Variants in GAL3ST1 observed in about 807,000 individuals in gnomAD.
The protein encoded by GAL3ST1 is galactose-3-O-sulfotransferase 1.
Under a neutral mutation model 25.0 loss-of-function variants are expected in GAL3ST1, and 13 were observed. The observed-to-expected ratio is 0.52, with a 90% CI of 0.34 to 0.83. The LOEUF (loss-of-function observed/expected upper bound fraction) is 0.83, where lower values mean the gene tolerates loss of function less well. Among genes scored for constraint, GAL3ST1 ranks in the 40% least tolerant of loss-of-function variants. GAL3ST1 has a pLI of 0.02. For synonymous variants in GAL3ST1, 274 were observed against 277.8 expected, an observed-to-expected ratio of 0.99 and a Z score of 0.14; for missense variants, 474 against 613.6, an observed-to-expected ratio of 0.77 and a Z score of 2.40.
rs147005072 is a variant in GAL3ST1 at position 30,557,276 on chromosome 22, G to A, written c.117C>T (p.Ala39=). 1.1e-5 allele frequency: 18 copies of A among 1,614,018 alleles called. No homozygotes were observed. Among genetic ancestry groups the A allele is most frequent in the East Asian group, 4.5e-5 (2 of 44,894 alleles). The stretch of plus-strand genomic sequence containing the variant: ...GGGCCACTCACGTGGAGGCCAGGCC[G>A]GCATGCAGCGGGGGCACGGCATAGG... ...VYSYAVPPLH[A]GLASTTPEAA... Residue 39 remains alanine, a synonymous_variant, in exon 3 of 4, where the codon GCC becomes GCT. Coordinates refer to ENST00000406361, the MANE Select transcript of GAL3ST1 (RefSeq NM_001318104.2).
Position 30,554,832 on chromosome 22 carries a change from C to A in GAL3ST1, c.*121G>T, listed in dbSNP as rs1426630113. ...TGGCTGCCTCCCCCCAGGGAGCCCC[C>A]CCTCACCCCGGGGTCTGAGGTGGCA... On this transcript the variant is annotated 3_prime_UTR_variant, in exon 4 of 4. Coordinates refer to ENST00000406361, the MANE Select transcript of GAL3ST1 (RefSeq NM_001318104.2). 2 of 745,138 alleles carry A rather than the reference C, an allele frequency of 2.7e-6. No individual in the cohort carries two copies. Among genetic ancestry groups the A allele is most frequent in the African/African-American group, 1.8e-5 (1 of 55,524 alleles). The allele number at this position is 745,138 out of a possible 1,614,324, so 46.2% of individuals were successfully genotyped here.
chr22:30,569,107 C>T (rs2086707955), intron 1 of GAL3ST1, among the ~76,000 whole-genome samples: 1 of 149,034 alleles, frequency 6.7e-6, no homozygotes, highest in East Asian at 2.0e-4. Flanking sequence ...GAGGGACATG[C>T]AGGGCTTTCA....
At chr22:30,566,395 T>C (rs984122222) in intron 1 of GAL3ST1, among the ~76,000 whole-genome samples, 1 of 152,226 alleles carries the variant, frequency 6.6e-6, no homozygotes, top group African/African-American at 2.4e-5. Context: ...TAGTCCTCTC[T>C]GGGGAGCTCT....
rs2085911531 is a variant in GAL3ST1, at chr22:30,555,107, A to G, written c.1118T>C (p.Ile373Thr). ...GCTCTTCTTGAGGTTGTAGCCCAGG[A>G]TGGACTTGGTGCCCAGCGGCTGCCA... ...QPWQPLGTKS[I>T]LGYNLKKSIG... is the part of the protein sequence containing the mutation. Residue 373 changes from isoleucine (I) to threonine (T), a missense_variant, in exon 4 of 4, where the codon ATC (isoleucine) becomes ACC (threonine). Ile to Thr is a moderately conservative substitution (Grantham distance 89). Coordinates refer to ENST00000406361, the MANE Select transcript of GAL3ST1 (RefSeq NM_001318104.2). The surrounding 1 kb of genome is among the most constrained non-coding windows in gnomAD (Gnocchi z 8.6). 6.2e-7 allele frequency: 1 copy of G among 1,612,216 alleles called. No individual in the cohort carries two copies. Among genetic ancestry groups the G allele is most frequent in the Non-Finnish European group, 8.5e-7 (1 of 1,179,728 alleles).
Position 30,555,001 on chromosome 22 carries a change from C to T in GAL3ST1, c.1224G>A (p.Leu408=), listed in dbSNP as rs1177039617. The change falls in exon 4 of 4, where the codon CTG becomes CTA. Residue 408 remains leucine (L), a synonymous_variant. Coordinates refer to ENST00000406361, the MANE Select transcript of GAL3ST1 (RefSeq NM_001318104.2). The surrounding 1 kb of genome is among the most constrained non-coding windows in gnomAD (Gnocchi z 8.6). Reference sequence around the variant, plus strand: ...TGAACTTCCAGAGCTTGGTGACCCACAGGTTGGCGCCGAGGTCCATCAGGT... The same window carrying T: ...TGAACTTCCAGAGCTTGGTGACCCATAGGTTGGCGCCGAGGTCCATCAGGT... The part of the protein sequence containing the change: ...IQYLMDLGAN[L]WVTKLWKFIR... 6.3e-7 allele frequency: 1 copy of T among 1,593,904 alleles called. No homozygotes were observed. The highest frequency in any genetic ancestry group is 8.6e-7 in the Non-Finnish European group (1 of 1,165,484).
chr22:30,567,583 G>A (rs866446755), intron 1 of GAL3ST1, among the ~76,000 whole-genome samples: 6 of 151,106 alleles, frequency 4.0e-5, no homozygotes, highest in African/African-American at 9.7e-5. Flanking sequence ...CCAGATGCAC[G>A]TGCTTCTTTG....
rs1249336206 is a variant in GAL3ST1, at chr22:30,556,018, C to T, written c.207G>A (p.Ala69=). ...PEAVIRANGS[A]GECQPRRNIV... is the part of the protein sequence containing the mutation. ...TGTTGCGCCGCGGCTGGCACTCCCCCGCCGAGCCGTTGGCCCGGATCACTG... is the reference window on the plus strand; with the variant it reads ...TGTTGCGCCGCGGCTGGCACTCCCCTGCCGAGCCGTTGGCCCGGATCACTG... Residue 69 remains alanine (A), a synonymous_variant, in exon 4 of 4, where the codon GCG becomes GCA. Coordinates refer to ENST00000406361, the MANE Select transcript of GAL3ST1 (RefSeq NM_001318104.2). 5.0e-6 allele frequency: 8 copies of T among 1,612,688 alleles called. No homozygotes were observed. Among genetic ancestry groups the T allele is most frequent in the Non-Finnish European group, 6.8e-6 (8 of 1,179,854 alleles).
Position 30,557,304 on chromosome 22 carries a change from T to C in GAL3ST1, c.89A>G (p.Tyr30Cys), listed in dbSNP as rs369562134. ...ATGCAGCGGGGGCACGGCATAGGAG[T>C]ACACCAGCAGCAGGAAACTAGTGAA... is the stretch of plus-strand genomic sequence containing the variant. ...ALFTSFLLLV[Y>C]SYAVPPLHAG... Residue 30 changes from tyrosine to cysteine, a missense_variant, in exon 3 of 4, where the codon TAC (tyrosine) becomes TGC (cysteine). Tyr to Cys is a radical substitution (Grantham distance 194). This residue lies in a region of GAL3ST1 where 115 missense variants were observed against 109.2 expected (regional missense o/e 1.05). Transcript: ENST00000406361. 7.4e-6 allele frequency: 12 copies of C among 1,613,532 alleles called. No individual in the cohort carries two copies. The highest frequency in any genetic ancestry group is 9.3e-6 in the Non-Finnish European group (11 of 1,179,898).
chr22:30,570,198 T>C (rs1430070506), intron 1 of GAL3ST1, among the ~76,000 whole-genome samples: 2 of 152,152 alleles, frequency 1.3e-5, no homozygotes. Flanking sequence ...TGGGGTGAGG[T>C]ATCCCAGGGC....
In GAL3ST1 at chr22:30,554,888, G is replaced by A; in HGVS notation, c.*65C>T. ...AGGGGGCTGGGGGCGGCCAGCACCAGCGGCGTCCTGCTCAGCCCCTCTGCA... is the reference window on the plus strand; with the variant it reads ...AGGGGGCTGGGGGCGGCCAGCACCAACGGCGTCCTGCTCAGCCCCTCTGCA... On this transcript the variant is annotated 3_prime_UTR_variant, in exon 4 of 4. Coordinates refer to ENST00000406361, the MANE Select transcript of GAL3ST1 (RefSeq NM_001318104.2). 7.7e-7 allele frequency: 1 copy of A among 1,305,322 alleles called. No individual in the cohort carries two copies. The allele number at this position is 1,305,322 out of a possible 1,614,324, so 80.9% of individuals were successfully genotyped here.
rs146374804 is a variant in GAL3ST1 at position 30,556,012 on chromosome 22, C to G, written c.213G>C (p.Glu71Asp). ...ACACGATGTTGCGCCGCGGCTGGCA[C>G]TCCCCCGCCGAGCCGTTGGCCCGGA... ...AVIRANGSAGECQPRRNIVFL... is the reference protein window; with the variant it reads ...AVIRANGSAGDCQPRRNIVFL... The change falls in exon 4 of 4, where the codon GAG becomes GAC. Residue 71 changes from glutamate to aspartate, a missense_variant. Around this residue, in one of 2 missense-constraint regions of GAL3ST1, gnomAD observed 115 missense variants for 109.2 expected, o/e 1.05. Coordinates refer to ENST00000406361, the MANE Select transcript of GAL3ST1 (RefSeq NM_001318104.2). 2.1e-4 allele frequency: 343 copies of G among 1,608,470 alleles called. 1 individual carries two copies. The African/African-American group carries it at 4.3e-3, about 20-fold the overall frequency.
chr22:30,557,441 T>C (rs781102799), intron 2 of GAL3ST1, 40 bp from the exon 3 acceptor site: 2 of 1,610,544 alleles, frequency 1.2e-6, no homozygotes, highest in Middle Eastern at 1.8e-4. Context: ...GTCAGGAAGC[T>C]GGCCCCAGGG....
intron 1 of GAL3ST1, among the ~76,000 whole-genome samples, chr22:30,569,419 G>A (rs2086716543): frequency 6.6e-6 from 1 of 152,134 alleles, no homozygotes; most frequent in African/African-American, 2.4e-5. Flanking sequence ...GCTGTTGGGT[G>A]ACTGGCTGGC....
intron 1 of GAL3ST1, among the ~76,000 whole-genome samples, chr22:30,573,969 G>A (rs977076620): frequency 6.6e-6 from 1 of 152,154 alleles, no homozygotes; most frequent in Non-Finnish European, 1.5e-5. Context: ...GCTTCCTCTG[G>A]GGTACAGGCC....
In GAL3ST1 at chr22:30,555,380, C is replaced by T. The variant is rs1355009593; in HGVS notation, c.845G>A (p.Arg282His). 2.5e-6 allele frequency: 4 copies of T among 1,608,414 alleles called. No homozygotes were observed. The highest frequency in any genetic ancestry group is 2.7e-5 in the African/African-American group (2 of 74,906). The change falls in exon 4 of 4, where the codon CGC becomes CAC. Residue 282 changes from arginine to histidine, a missense_variant. Physicochemically the swap from Arg to His is conservative, Grantham distance 29. This residue lies in a region of GAL3ST1 where 359 missense variants were observed against 504.4 expected (regional missense o/e 0.71). Transcript: ENST00000406361. The surrounding 1 kb of genome is among the most constrained non-coding windows in gnomAD (Gnocchi z 8.6). ...CGAGAGCCGCGGCACGGGCGAGTCG[C>T]GGCGGGCGTTGAGCTTGAAGTAGAG... ...DVLYFKLNAR[R>H]DSPVPRLSGE... is the part of the protein sequence containing the mutation.
intron 1 of GAL3ST1, among the ~76,000 whole-genome samples, chr22:30,566,856 A>C (rs576918677): frequency 1.3e-5 from 2 of 152,038 alleles, no homozygotes; most frequent in South Asian, 2.1e-4. Context: ...TGATCTGCCC[A>C]CCTTAGCCTC....
rs1483769724 is a variant in GAL3ST1 at position 30,555,369 on chromosome 22, C to T, written c.856G>A (p.Val286Met). ...FKLNARRDSP[V>M]PRLSGELYGR... is the part of the protein sequence containing the mutation. ...TACAGCTCCCCCGAGAGCCGCGGCA[C>T]GGGCGAGTCGCGGCGGGCGTTGAGC... Residue 286 changes from valine (V) to methionine (M), a missense_variant, in exon 4 of 4, where the codon GTG becomes ATG. Physicochemically the swap from Val to Met is conservative, Grantham distance 21 (BLOSUM62 1). This residue lies in a region of GAL3ST1 where 359 missense variants were observed against 504.4 expected (regional missense o/e 0.71). Transcript: ENST00000406361. This position sits in a 1 kb window ranked among gnomAD's most constrained non-coding sequence, Gnocchi z 8.6. The T allele has an allele frequency of 8.1e-6, 13 of 1,608,570 alleles. No homozygotes were observed. The highest frequency in any genetic ancestry group is 1.3e-5 in the African/African-American group (1 of 75,036).
At chr22:30,573,850 C>T (rs2086840246) in intron 1 of GAL3ST1, among the ~76,000 whole-genome samples, 1 of 152,160 alleles carries the variant, frequency 6.6e-6, no homozygotes, top group African/African-American at 2.4e-5. Context: ...CAAGCTGGAC[C>T]CCCTTCCTGG....
chr22:30,566,280 CGGAGCTGGCATCAAACCGCA>C (rs2086620838), intron 1 of GAL3ST1: 1 of 152,272 alleles, frequency 6.6e-6, no homozygotes, highest in African/African-American at 2.4e-5. Flanking sequence ...TGAGTCAGGG[CGGAGCTGGCATCAAACCGCA>C]GGGGCTGTAG....
Sources: allele counts gnomAD v4.1 joint callset (sites outside exome capture counted in the v4.1 genomes callset), GRCh38; gene constraint gnomAD v4.1.1; regional missense constraint gnomAD v4.1.1; non-coding constraint Gnocchi (gnomAD v3.1); transcripts MANE v1.5; gene names NCBI Gene and HGNC (gene_info 2026-07-23, HGNC 2026-07-21).